The following NPFFR2 variants were observed in gnomAD, a reference collection of about 807,000 sequenced individuals.
NPFFR2 encodes G-protein coupled receptor 74.
Under a neutral mutation model 13.1 loss-of-function variants are expected in NPFFR2, and 15 were observed. The ratio of observed to expected loss-of-function variants is 1.15; its 90% CI spans 0.77 to 1.76. The LOEUF (loss-of-function observed/expected upper bound fraction) is 1.76. Among genes scored for constraint, NPFFR2 ranks in the 40% most tolerant of loss-of-function variants. The pLI, the probability that NPFFR2 is intolerant of heterozygous loss-of-function variation, is 0.00. For missense variants in NPFFR2, 572 were observed against 503.5 expected, an observed-to-expected ratio of 1.14 and a Z score of -1.30; for synonymous variants, 190 against 175.7, an observed-to-expected ratio of 1.08 and a Z score of -0.65.
chr4:72,140,280 A>T (rs1000487141), intron 3 of NPFFR2, among the ~76,000 whole-genome samples: 1 of 152,170 alleles, frequency 6.6e-6, no homozygotes, highest in African/African-American at 2.4e-5. Flanking sequence ...CTTGGCCAGA[A>T]CTTCCAACAC....
At chr4:72,135,956 G>A (rs1250637599) in intron 2 of NPFFR2, among the ~76,000 whole-genome samples, 1 of 151,982 alleles carries the variant, frequency 6.6e-6, no homozygotes, top group African/African-American at 2.4e-5. Context: ...ATCACCTCAA[G>A]CATTTATCAT....
intron 1 of NPFFR2, among the ~76,000 whole-genome samples, chr4:72,076,065 A>G (rs1237103442): frequency 6.6e-6 from 1 of 151,730 alleles, no homozygotes; most frequent in East Asian, 1.9e-4. Flanking sequence ...AGCACTTTCT[A>G]TACTTGGGAA....
chr4:72,050,723 A>G (rs111949399), intron 1 of NPFFR2, among the ~76,000 whole-genome samples: 1 of 151,558 alleles, frequency 6.6e-6, no homozygotes, highest in African/African-American at 2.4e-5. Context: ...CTAACTTGTC[A>G]TCTAGCATTA....
intron 1 of NPFFR2, among the ~76,000 whole-genome samples, chr4:72,117,948 C>A (rs1010286941): frequency 1.9e-4 from 28 of 149,464 alleles, no homozygotes; most frequent in African/African-American, 6.4e-4. Flanking sequence ...AGTAAGGTAA[C>A]AAAAAAGTAA....
intron 1 of NPFFR2, among the ~76,000 whole-genome samples, chr4:72,122,664 T>A (rs1477150079): frequency 6.6e-6 from 1 of 151,996 alleles, no homozygotes; most frequent in African/African-American, 2.4e-5. Flanking sequence ...TGGTTAAAAA[T>A]TGAAATTAAG....
chr4:72,095,577 A>G (rs1278957213), intron 1 of NPFFR2, among the ~76,000 whole-genome samples: 2 of 152,222 alleles, frequency 1.3e-5, no homozygotes, highest in Non-Finnish European at 2.9e-5. Flanking sequence ...TTCAATTTAA[A>G]AATATTTTTA....
At chr4:72,096,373 T>C (rs758521622) in intron 1 of NPFFR2, among the ~76,000 whole-genome samples, 1 of 152,220 alleles carries the variant, frequency 6.6e-6, no homozygotes, top group Non-Finnish European at 1.5e-5. Flanking sequence ...ACTGTATTTA[T>C]AACATGCATT....
chr4:72,040,230 A>T (rs1336144552), intron 1 of NPFFR2, among the ~76,000 whole-genome samples: 1 of 151,980 alleles, frequency 6.6e-6, no homozygotes, highest in Non-Finnish European at 1.5e-5. Flanking sequence ...ATTTTTTCTT[A>T]TTGCTGCATT....
At chr4:72,064,188 A>G (rs887984799) in intron 1 of NPFFR2, among the ~76,000 whole-genome samples, 3 of 152,346 alleles carry the variant, frequency 2.0e-5, no homozygotes, top group African/African-American at 7.2e-5. Flanking sequence ...TGGCTTAAAA[A>G]CAACAATATT....
rs538428159 is a variant in NPFFR2, at chr4:72,037,395, T to G, written c.-8+5195T>G. 1.4e-4 allele frequency among the ~76,000 whole-genome samples: 13 copies of G among 91,104 alleles called. No individual in the cohort carries two copies. The South Asian group carries it at 6.8e-3, about 47-fold the overall frequency. 59.8% of individuals were successfully genotyped at this position (91,104 alleles called of 152,430 possible). A position where few individuals can be genotyped will look rare whatever the true frequency, so the allele number is the denominator to read the frequency against. ...CTCCAGCTTCGGCAACAGAGCAAGA[T>G]CTTGTTTGAAAAAAAAAAAAAAAAA... On this transcript the variant is annotated intron_variant, in intron 1 of 3. Transcript: ENST00000308744.
chr4:72,080,436 A>C (rs1578442114), intron 1 of NPFFR2, among the ~76,000 whole-genome samples: 1 of 152,290 alleles, frequency 6.6e-6, no homozygotes, highest in Middle Eastern at 3.4e-3. Flanking sequence ...GTGCTGGATT[A>C]CAGGTGTCAG....
chr4:72,032,291 G>A (rs1178416956), intron 1 of NPFFR2, 91 bp downstream of exon 1: 2 of 1,346,534 alleles, frequency 1.5e-6, no homozygotes, highest in Non-Finnish European at 2.0e-6. Flanking sequence ...ACACATATTA[G>A]CGATTGTGGA....
intron 1 of NPFFR2, among the ~76,000 whole-genome samples, chr4:72,057,460 G>A (rs529240301): frequency 7.9e-5 from 12 of 151,948 alleles, no homozygotes; most frequent in African/African-American, 2.7e-4. Context: ...GAACACCTTC[G>A]CTTAAGGCAG....
At chr4:72,069,136 T>C (rs1720168734) in intron 1 of NPFFR2, 2 of 411,336 alleles carry the variant, frequency 4.9e-6, no homozygotes, top group East Asian at 3.7e-5. Context: ...CTAAGCCTTA[T>C]AAAGACTGAC....
At chr4:72,136,736 CCT>C (rs1368084054) in intron 2 of NPFFR2, among the ~76,000 whole-genome samples, 47 of 152,184 alleles carry the variant, frequency 3.1e-4, no homozygotes, top group African/African-American at 9.4e-4. Flanking sequence ...TACCCCCGCA[CCT>C]GGTGACTCGG....
intron 1 of NPFFR2, among the ~76,000 whole-genome samples, chr4:72,099,620 A>T (rs1721179177): frequency 6.6e-6 from 1 of 152,014 alleles, no homozygotes; most frequent in African/African-American, 2.4e-5. Context: ...GCTCGATCTC[A>T]TGTGAACTCA....
At chr4:72,120,980 T>C (rs1325942172) in intron 1 of NPFFR2, among the ~76,000 whole-genome samples, 2 of 151,932 alleles carry the variant, frequency 1.3e-5, no homozygotes, top group African/African-American at 4.8e-5. Context: ...TCTAACCCAA[T>C]GCAAGGAAGC....
intron 1 of NPFFR2, among the ~76,000 whole-genome samples, chr4:72,032,577 A>T (rs1718954319): frequency 6.6e-6 from 1 of 152,208 alleles, no homozygotes; most frequent in Non-Finnish European, 1.5e-5. Flanking sequence ...TTTATCCGTG[A>T]TGCTTCTAAG....
chr4:72,112,454 G>T (rs1483556371), intron 1 of NPFFR2, among the ~76,000 whole-genome samples: 1 of 151,784 alleles, frequency 6.6e-6, no homozygotes, highest in Non-Finnish European at 1.5e-5. Context: ...TTATCATCAT[G>T]CAGCCCCCTC....
Sources: gnomAD v4.1 joint callset for allele counts (sites outside exome capture counted in the v4.1 genomes callset) on GRCh38, gnomAD v4.1.1 for gene constraint, MANE v1.5 for transcripts, NCBI Gene and HGNC (gene_info 2026-07-23, HGNC 2026-07-21) for gene names.